Variants in DCDC1 observed in about 807,000 individuals in gnomAD.
DCDC1 encodes the protein doublecortin domain containing 1.
In DCDC1, 200 loss-of-function variants were observed where a neutral mutation model predicts 178.3. That is an observed-to-expected ratio of 1.12 (90% CI 1.00 to 1.26). The LOEUF is 1.26. Among genes scored for constraint, DCDC1 ranks in the 50% most tolerant of loss-of-function variants. DCDC1 has a pLI of 0.00. For synonymous variants in DCDC1, 690 were observed against 604.8 expected (o/e 1.14, Z -2.07); for missense variants, 1,983 against 1,749.2 (o/e 1.13, Z -2.38).
intron 20 of DCDC1, among the ~76,000 whole-genome samples, chr11:30,989,845 G>T (rs1168440758): frequency 6.6e-6 from 1 of 152,112 alleles, no homozygotes; most frequent in Non-Finnish European, 1.5e-5. Context: ...CTTGTAAAAA[G>T]TTGAACTAGA....
At chr11:31,030,791 A>G (rs1176762249) in intron 20 of DCDC1, among the ~76,000 whole-genome samples, 1 of 152,060 alleles carries the variant, frequency 6.6e-6, no homozygotes, top group Non-Finnish European at 1.5e-5. Flanking sequence ...TCTTATTGGT[A>G]TTTGAGGACT....
intron 6 of DCDC1, among the ~76,000 whole-genome samples, chr11:31,293,530 C>T (rs538105612): frequency 3.3e-5 from 5 of 152,122 alleles, no homozygotes; most frequent in Admixed American, 6.5e-5. Context: ...ACCCTCAGAG[C>T]GAATGCCTCC....
chr11:31,107,872 C>T (rs571109423), intron 12 of DCDC1, among the ~76,000 whole-genome samples: 2 of 152,286 alleles, frequency 1.3e-5, no homozygotes, highest in African/African-American at 2.4e-5. Flanking sequence ...TTGTGTCTCT[C>T]GGTTTCTTGT....
intron 1 of DCDC1, among the ~76,000 whole-genome samples, chr11:31,367,739 T>C (rs1952036530): frequency 6.6e-6 from 1 of 152,218 alleles, no homozygotes; most frequent in Non-Finnish European, 1.5e-5. Flanking sequence ...ATTTTTAGAT[T>C]AATTAATTTT....
At chr11:31,100,419 T>C (rs1030963221) in intron 15 of DCDC1, among the ~76,000 whole-genome samples, 2 of 152,132 alleles carry the variant, frequency 1.3e-5, no homozygotes, top group Non-Finnish European at 2.9e-5. Context: ...CAAAAGCAAA[T>C]ACCTATACCA....
chr11:31,135,948 T>C (rs1963076253), intron 10 of DCDC1, among the ~76,000 whole-genome samples: 1 of 152,106 alleles, frequency 6.6e-6, no homozygotes, highest in Non-Finnish European at 1.5e-5. Flanking sequence ...TTCAAGTTTT[T>C]AGTCATTGAA....
At chr11:31,248,338 A>T (rs1943728381) in intron 8 of DCDC1, among the ~76,000 whole-genome samples, 1 of 152,092 alleles carries the variant, frequency 6.6e-6, no homozygotes, top group African/African-American at 2.4e-5. Context: ...AAAACATAGG[A>T]ATAAGATCAA....
At chr11:31,187,339 G>C (rs1421206567) in intron 9 of DCDC1, among the ~76,000 whole-genome samples, 2 of 152,126 alleles carry the variant, frequency 1.3e-5, no homozygotes, top group African/African-American at 2.4e-5. Context: ...TGTTGCCAAG[G>C]CCTAGCATAA....
At chr11:31,293,154 T>C (rs927753714) in intron 6 of DCDC1, among the ~76,000 whole-genome samples, 7 of 152,230 alleles carry the variant, frequency 4.6e-5, no homozygotes, top group African/African-American at 1.7e-4. Flanking sequence ...TGCTAGCTTC[T>C]TCCCTCACCT....
chr11:31,297,460 C>A (rs1340580219), intron 6 of DCDC1, among the ~76,000 whole-genome samples: 1 of 152,054 alleles, frequency 6.6e-6, no homozygotes, highest in Non-Finnish European at 1.5e-5. Context: ...ATTCTCCTGC[C>A]TCAGCCTCCC....
chr11:31,123,665 A>C (rs1025091099), intron 11 of DCDC1, among the ~76,000 whole-genome samples: 3 of 152,036 alleles, frequency 2.0e-5, no homozygotes, highest in Non-Finnish European at 4.4e-5. Context: ...TTCTGAGAGA[A>C]GCTAGATGTT....
intron 9 of DCDC1, 116 bp from the exon 10 acceptor site, chr11:31,137,900 G>T: frequency 1.8e-6 from 1 of 565,284 alleles, no homozygotes; most frequent in Admixed American, 3.1e-5. Flanking sequence ...TAATTTTGAT[G>T]ATACGTACAT....
chr11:31,286,312 G>A (rs1325401324), intron 7 of DCDC1, among the ~76,000 whole-genome samples: 3 of 151,926 alleles, frequency 2.0e-5, no homozygotes, highest in Admixed American at 1.3e-4. Flanking sequence ...AGTATATGAC[G>A]CCTCCAGGTA....
intron 9 of DCDC1, among the ~76,000 whole-genome samples, chr11:31,212,901 T>C (rs773296773): frequency 6.6e-6 from 1 of 152,116 alleles, no homozygotes; most frequent in African/African-American, 2.4e-5. Flanking sequence ...AAATGTCCAT[T>C]AGTAGCTATA....
At chr11:31,262,263 T>A (rs7117286) in intron 8 of DCDC1, among the ~76,000 whole-genome samples, 49,065 of 146,068 alleles carry the variant, frequency 0.34, 8,696 homozygotes, top group East Asian at 0.63. Flanking sequence ...CAAGACCTTG[T>A]CTCAGGAAAA....
chr11:31,236,707 C>T (rs954448148), intron 9 of DCDC1, among the ~76,000 whole-genome samples: 4 of 151,904 alleles, frequency 2.6e-5, no homozygotes, highest in Non-Finnish European at 5.9e-5. Context: ...AAAAAAATTA[C>T]TTACCAGAAC....
chr11:30,992,631 A>C (rs1418408521), intron 20 of DCDC1: 1 of 152,302 alleles, frequency 6.6e-6, no homozygotes, highest in East Asian at 1.9e-4. Flanking sequence ...AGGTCTCAGA[A>C]GGTATACTGT....
chr11:31,062,039 A>G (rs1485985304), intron 20 of DCDC1, among the ~76,000 whole-genome samples: 5 of 152,126 alleles, frequency 3.3e-5, no homozygotes, highest in African/African-American at 4.8e-5. Context: ...TAGAGAAAAT[A>G]TTTTTAAGCA....
intron 3 of DCDC1, among the ~76,000 whole-genome samples, chr11:31,310,858 G>C (rs2137650088): frequency 6.6e-6 from 1 of 152,242 alleles, no homozygotes; most frequent in Middle Eastern, 3.4e-3. Flanking sequence ...AAGATACATA[G>C]AAAGTTATGA....
Sources: allele counts gnomAD v4.1 joint callset (sites outside exome capture counted in the v4.1 genomes callset), GRCh38; gene constraint gnomAD v4.1.1; transcripts MANE v1.5; gene names NCBI Gene and HGNC (gene_info 2026-07-23, HGNC 2026-07-21).